Variants in ZBED1 observed in about 807,000 individuals in gnomAD.
ZBED1 encodes the protein E3 SUMO-protein ligase ZBED1.
In ZBED1, 19 loss-of-function variants were observed where a neutral mutation model predicts 49.7. That is an observed-to-expected ratio of 0.38 (90% CI 0.27 to 0.56). The LOEUF (loss-of-function observed/expected upper bound fraction) is 0.56, where lower values mean the gene tolerates loss of function less well. ZBED1 is among the 20% of genes least tolerant of loss of function. The pLI is 0.70. For missense variants in ZBED1, 806 were observed against 972.6 expected (o/e 0.83, Z 2.28); for synonymous variants, 439 against 440.3 (o/e 1.00, Z 0.04).
chrX:2,493,086 C>T lies in ZBED1; in HGVS notation c.-53-2314G>A, dbSNP rs910309922. Among the ~76,000 whole-genome samples the T allele has an allele frequency of 4.6e-5, 7 of 152,296 alleles. No individual in the cohort carries two copies. In the South Asian group the frequency reaches 1.0e-3, roughly 23 times the overall value. ...AGTGCCACTTCCCAAGACTGGGGTG[C>T]AAGGAGGGGGGTCCTGTGGCCAATG... On this transcript the variant is annotated intron_variant, in intron 1 of 1. Transcript: ENST00000652001.
chrX:2,500,955 C>T lies in ZBED1; in HGVS notation c.-192G>A. On this transcript the variant is annotated 5_prime_UTR_variant, in exon 1 of 2. Coordinates refer to ENST00000652001, the MANE Select transcript of ZBED1 (RefSeq NM_001171136.2). The stretch of plus-strand genomic sequence containing the variant: ...GCCCCGGCCGCGCCGCCGCCGCTTC[C>T]GCGCCGCCCGCGGGACTCTGCGCCC... The T allele has an allele frequency of 3.0e-6, 3 of 1,012,396 alleles. No individual in the cohort carries two copies. The highest frequency in any genetic ancestry group is 3.5e-6 in the Non-Finnish European group (3 of 845,496). 62.7% of individuals were successfully genotyped at this position (1,012,396 alleles called of 1,614,324 possible).
intron 1 of ZBED1, among the ~76,000 whole-genome samples, chrX:2,498,416 A>G (rs1182385812): frequency 6.6e-6 from 1 of 152,184 alleles, no homozygotes; most frequent in Non-Finnish European, 1.5e-5. Flanking sequence ...CAGACCAAGG[A>G]CAACAGCATT....
rs1289553252 is a variant in ZBED1 at position 2,489,421 on chromosome X, CGTG to C, written c.1296_1298del (p.Thr433del). 6.2e-7 allele frequency: 1 copy of C among 1,613,902 alleles called. No individual in the cohort carries two copies. The highest frequency in any genetic ancestry group is 8.5e-7 in the Non-Finnish European group (1 of 1,179,868). Reference sequence around the variant, plus strand: ...TGGAGTCGGTCTCCTTGATGTTGAGCGTGGTGTTCAGGAGCATGTGCAGCAGCG... The same window carrying C: ...TGGAGTCGGTCTCCTTGATGTTGAGCGTGTTCAGGAGCATGTGCAGCAGCG... On this transcript the variant is annotated inframe_deletion, in exon 2 of 2. Transcript: ENST00000652001.
intron 1 of ZBED1, among the ~76,000 whole-genome samples, chrX:2,495,785 TG>T (rs895917588): frequency 2.0e-5 from 3 of 150,964 alleles, no homozygotes; most frequent in Non-Finnish European, 4.4e-5. Context: ...GAGGGGGGTT[TG>T]GGGGGGACAC....
intron 1 of ZBED1, among the ~76,000 whole-genome samples, chrX:2,495,897 C>A (rs1224095209): frequency 6.6e-6 from 1 of 152,100 alleles, no homozygotes; most frequent in Admixed American, 6.5e-5. Flanking sequence ...CAGAACGACA[C>A]GTCGCAAGAG....
intron 1 of ZBED1, among the ~76,000 whole-genome samples, chrX:2,494,794 A>G (rs1450063321): frequency 6.6e-6 from 1 of 152,020 alleles, no homozygotes; most frequent in Non-Finnish European, 1.5e-5. Flanking sequence ...AAGAGGTCCC[A>G]GTACCTAGAA....
rs769158974 is a variant in ZBED1 at position 2,489,414 on chromosome X, T to C, written c.1306A>G (p.Ile436Val). The change falls in exon 2 of 2, where the codon ATC becomes GTC. Residue 436 changes from isoleucine (I) to valine (V), a missense_variant. Physicochemically the swap from Ile to Val is conservative, Grantham distance 29. Around this residue, in one of 2 missense-constraint regions of ZBED1, gnomAD observed 749 missense variants for 861.3 expected, o/e 0.87. Coordinates refer to ENST00000652001, the MANE Select transcript of ZBED1 (RefSeq NM_001171136.2). Reference protein sequence around the residue: ...LHMLLNTTLNIKETDSKELSM... With the variant: ...LHMLLNTTLNVKETDSKELSM... ...AGCTCCTTGGAGTCGGTCTCCTTGA[T>C]GTTGAGCGTGGTGTTCAGGAGCATG... The C allele has an allele frequency of 1.2e-5, 19 of 1,613,734 alleles. No homozygotes were observed. The highest frequency in any genetic ancestry group is 1.7e-5 in the Admixed American group (1 of 59,986).
At position 2,490,614 on chromosome X, in the gene ZBED1, C is replaced by T. The variant is rs751049688; in HGVS notation, c.106G>A (p.Glu36Lys). The T allele has an allele frequency of 3.1e-6, 5 of 1,613,964 alleles. No homozygotes were observed. The highest frequency in any genetic ancestry group is 2.2e-5 in the South Asian group (2 of 91,078). Residue 36 changes from glutamate (E) to lysine (K), a missense_variant, in exon 2 of 2, where the codon GAG (glutamate) becomes AAG (lysine). Around this residue, in one of 2 missense-constraint regions of ZBED1, gnomAD observed 57 missense variants for 111.3 expected, o/e 0.51. Transcript: ENST00000652001. ...WKYFGFDTNA[E>K]GCILQWKKIY... ...TTCTTCCACTGCAGGATGCATCCCT[C>T]GGCGTTGGTGTCGAAGCCGAAATAC...
At position 2,488,650 on chromosome X, in the gene ZBED1, G is replaced by A; in HGVS notation, c.2070C>T (p.Asp690=). ...GVSGGFFGIR[D]SSFL is the part of the protein sequence containing the mutation. ...CGCTTCCTCGCTACAGGAAGCTGCT[G>A]TCCCTAATGCCAAAGAAACCGCCGC... is the stretch of plus-strand genomic sequence containing the variant. Residue 690 remains aspartate, a synonymous_variant, in exon 2 of 2, where the codon GAC becomes GAT. Transcript: ENST00000652001. The A allele has an allele frequency of 6.2e-7, 1 of 1,605,912 alleles. No homozygotes were observed. The highest frequency in any genetic ancestry group is 8.5e-7 in the Non-Finnish European group (1 of 1,176,574).
chrX:2,499,862 T>G (rs2045371787), intron 1 of ZBED1, among the ~76,000 whole-genome samples: 2 of 151,554 alleles, frequency 1.3e-5, no homozygotes, highest in South Asian at 2.1e-4. Context: ...CTGAGCAACA[T>G]AGCAAGACCC....
chrX:2,499,826 C>T (rs2045370525), intron 1 of ZBED1, among the ~76,000 whole-genome samples: 1 of 152,168 alleles, frequency 6.6e-6, no homozygotes, highest in African/African-American at 2.4e-5. Flanking sequence ...AGGAAGATCG[C>T]TTGAGCCCAG....
intron 1 of ZBED1, among the ~76,000 whole-genome samples, chrX:2,496,032 T>C (rs2045275941): frequency 1.3e-5 from 2 of 152,156 alleles, no homozygotes; most frequent in African/African-American, 4.8e-5. Context: ...ATGACAATCA[T>C]TTTTCTTTTA....
At chrX:2,494,798 C>T (rs2045241690) in intron 1 of ZBED1, among the ~76,000 whole-genome samples, 1 of 151,782 alleles carries the variant, frequency 6.6e-6, no homozygotes, top group Admixed American at 6.6e-5. Flanking sequence ...GGTCCCAGTA[C>T]CTAGAAGAAA....
intron 1 of ZBED1, among the ~76,000 whole-genome samples, chrX:2,499,571 G>C (rs2045361275): frequency 6.6e-6 from 1 of 152,036 alleles, no homozygotes; most frequent in South Asian, 2.1e-4. Flanking sequence ...AGGGGTTCAA[G>C]ACCAGCCTGG....
chrX:2,489,516 G>T lies in ZBED1; in HGVS notation c.1204C>A (p.Gln402Lys). 1 of 1,613,118 alleles carries T rather than the reference G, an allele frequency of 6.2e-7. No homozygotes were observed. The highest frequency in any genetic ancestry group is 1.7e-5 in the Admixed American group (1 of 60,010). The change falls in exon 2 of 2, where the codon CAG (glutamine) becomes AAG (lysine). Residue 402 changes from glutamine (Q) to lysine (K), a missense_variant. Physicochemically the swap from Gln to Lys is moderately conservative, Grantham distance 53. Around this residue, in one of 2 missense-constraint regions of ZBED1, gnomAD observed 749 missense variants for 861.3 expected, o/e 0.87. Transcript: ENST00000652001. ...ATCTCGGCCACCTGCTTGAAGGGCT[G>T]CAGGAGCTCCACCAGCCCCTCGATG... ...ATIEGLVELL[Q>K]PFKQVAEMLS...
rs1391180417 is a variant in ZBED1 at position 2,486,724 on chromosome X, T to C, written c.*1911A>G. Reference sequence around the variant, plus strand: ...CCACTGTGTCCCTTCCAGCTGCCCTTCTGCCGAGAACACCCGGAGCTGAGG... The same window carrying C: ...CCACTGTGTCCCTTCCAGCTGCCCTCCTGCCGAGAACACCCGGAGCTGAGG... On this transcript the variant is annotated 3_prime_UTR_variant, in exon 2 of 2. Transcript: ENST00000652001. 1 of 152,266 alleles carries C rather than the reference T, an allele frequency of 6.6e-6. No individual in the cohort carries two copies. Among genetic ancestry groups the C allele is most frequent in the Non-Finnish European group, 1.5e-5 (1 of 68,070 alleles). 9.4% of individuals were successfully genotyped at this position (152,266 alleles called of 1,614,324 possible). A position where few individuals can be genotyped will look rare whatever the true frequency, so the allele number is the denominator to read the frequency against.
intron 1 of ZBED1, among the ~76,000 whole-genome samples, chrX:2,493,645 C>T (rs1482426404): frequency 6.6e-6 from 1 of 151,708 alleles, no homozygotes; most frequent in East Asian, 1.9e-4. Flanking sequence ...TATTATTAGG[C>T]TGAAAAAGGT....
chrX:2,488,656 A>G lies in ZBED1; in HGVS notation c.2064T>C (p.Ile688=). ...GDGVSGGFFG[I]RDSSFL ...CTCGCTACAGGAAGCTGCTGTCCCT[A>G]ATGCCAAAGAAACCGCCGCTGACGC... Residue 688 remains isoleucine, a synonymous_variant, in exon 2 of 2, where the codon ATT becomes ATC. Coordinates refer to ENST00000652001, the MANE Select transcript of ZBED1 (RefSeq NM_001171136.2). The G allele has an allele frequency of 6.2e-7, 1 of 1,609,492 alleles. No individual in the cohort carries two copies. The highest frequency in any genetic ancestry group is 8.5e-7 in the Non-Finnish European group (1 of 1,178,180).
At chrX:2,499,863 A>G (rs962884225) in intron 1 of ZBED1, among the ~76,000 whole-genome samples, 1 of 152,074 alleles carries the variant, frequency 6.6e-6, no homozygotes, top group Non-Finnish European at 1.5e-5. Context: ...TGAGCAACAT[A>G]GCAAGACCCC....
Sources: allele counts gnomAD v4.1 joint callset (sites outside exome capture counted in the v4.1 genomes callset), GRCh38; gene constraint gnomAD v4.1.1; regional missense constraint gnomAD v4.1.1; transcripts MANE v1.5; gene names NCBI Gene and HGNC (gene_info 2026-07-23, HGNC 2026-07-21).